SHPRH: variants seen among roughly 807,000 people sequenced by gnomAD.
The protein encoded by SHPRH is SNF2 histone linker PHD RING helicase, also known as E3 ubiquitin-protein ligase SHPRH.
In SHPRH, 106 loss-of-function variants were observed where a neutral mutation model predicts 202.5. The ratio of observed to expected loss-of-function variants is 0.52; its 90% CI spans 0.45 to 0.62. The LOEUF is 0.62. SHPRH is among the 20% of genes least tolerant of loss of function. The pLI, the probability that SHPRH is intolerant of heterozygous loss-of-function variation, is 0.00. For missense variants in SHPRH, 1,710 were observed against 2,020.0 expected (o/e 0.85, Z 2.94); for synonymous variants, 729 against 686.0 (o/e 1.06, Z -0.98).
At chr6:145,960,918 T>A (rs1789023248) in intron 1 of SHPRH, among the ~76,000 whole-genome samples, 1 of 152,114 alleles carries the variant, frequency 6.6e-6, no homozygotes, top group South Asian at 2.1e-4. Context: ...CTATTCCACC[T>A]TAGATCATCA....
At chr6:145,943,895 A>G in intron 8 of SHPRH, 93 bp from the exon 9 acceptor site, 12 of 1,210,080 alleles carry the variant, frequency 9.9e-6, no homozygotes, top group Non-Finnish European at 1.4e-5. Context: ...ATAATTATGT[A>G]GCAGCCAGTC....
intron 2 of SHPRH, among the ~76,000 whole-genome samples, chr6:145,874,734 T>C (rs1297518089): frequency 2.0e-5 from 3 of 151,986 alleles, no homozygotes; most frequent in Non-Finnish European, 1.5e-5. Flanking sequence ...TACAAACAGC[T>C]CATTCCTTAT....
In SHPRH at chr6:145,928,543, T is replaced by C. The variant is rs1027213882; in HGVS notation, c.3113-1266A>G. On this transcript the variant is annotated intron_variant, in intron 14 of 29. Coordinates refer to ENST00000275233, the MANE Select transcript of SHPRH (RefSeq NM_001042683.3). ...TCATAGTTACAATGAGATATATATA[T>C]ATATGCAAACCTTTGTAAATTTTGA... Among the ~76,000 whole-genome samples the C allele has an allele frequency of 2.2e-4, 33 of 151,936 alleles. 1 individual carries two copies. The highest frequency in any genetic ancestry group is 1.6e-3 in the Admixed American group (25 of 15,216).
intron 2 of SHPRH, among the ~76,000 whole-genome samples, chr6:145,954,197 T>A (rs1049411216): frequency 2.0e-5 from 3 of 151,870 alleles, no homozygotes; most frequent in African/African-American, 7.3e-5. Flanking sequence ...GTCAGTGTGG[T>A]ATATGGAGAA....
chr6:145,894,122 C>A, intron 27 of SHPRH, 28 bp downstream of exon 27: 1 of 1,561,098 alleles, frequency 6.4e-7, no homozygotes. Context: ...GTATCCACTA[C>A]AAAAACCGGA....
intron 2 of SHPRH, among the ~76,000 whole-genome samples, chr6:145,869,618 C>G (rs1583254399): frequency 2.6e-5 from 4 of 152,182 alleles, no homozygotes; most frequent in Admixed American, 6.5e-5. Flanking sequence ...GCTGTTTTAT[C>G]AAAGATTAGT....
rs770532637 is a variant in SHPRH at position 145,927,271 on chromosome 6, T to C, written c.3119A>G (p.Tyr1040Cys). ...TCTGTACAATTCTGCTGCCAAGGCA[T>C]ACTCACCTAAAGAATTAAAATGTAT... Reference protein sequence around the residue: ...LAGIHIIKGEYALAAELYREV... With the variant: ...LAGIHIIKGECALAAELYREV... Residue 1040 changes from tyrosine (Y) to cysteine (C), a missense_variant, in exon 15 of 30, where the codon TAT (tyrosine) becomes TGT (cysteine). Around this residue, in one of 8 missense-constraint regions of SHPRH, gnomAD observed 288 missense variants for 317.8 expected, o/e 0.91. Coordinates refer to ENST00000275233, the MANE Select transcript of SHPRH (RefSeq NM_001042683.3). 1.6e-5 allele frequency: 25 copies of C among 1,611,218 alleles called. No homozygotes were observed. Among genetic ancestry groups the C allele is most frequent in the Non-Finnish European group, 1.8e-5 (21 of 1,178,510 alleles).
Position 145,947,606 on chromosome 6 carries a change from G to A in SHPRH, c.1099C>T (p.Leu367Phe). The A allele has an allele frequency of 6.2e-7, 1 of 1,612,598 alleles. No homozygotes were observed. Among genetic ancestry groups the A allele is most frequent in the Non-Finnish European group, 8.5e-7 (1 of 1,179,172 alleles). Reference sequence around the variant, plus strand: ...ATCTCATCTGCTAAAATTCCACCAAGCAACTGCGGCCCAGAATTTGGGTAC... The same window carrying A: ...ATCTCATCTGCTAAAATTCCACCAAACAACTGCGGCCCAGAATTTGGGTAC... ...REYPNSGPQL[L>F]GGILADEMGL... Residue 367 changes from leucine to phenylalanine, a missense_variant, in exon 6 of 30, where the codon CTT becomes TTT. Leu to Phe is a conservative substitution (Grantham distance 22). Transcript: ENST00000275233.
At chr6:145,919,186 T>C (rs1056195548) in intron 22 of SHPRH, 162 bp downstream of exon 22, 16 of 961,842 alleles carry the variant, frequency 1.7e-5, no homozygotes, top group Non-Finnish European at 2.4e-5. Context: ...CTTTGACCAT[T>C]TTTGGTCTAT....
At chr6:145,867,641 G>T (rs866537432) in intron 2 of SHPRH, among the ~76,000 whole-genome samples, 749 of 101,718 alleles carry the variant, frequency 7.4e-3, no homozygotes, top group African/African-American at 0.015. Context: ...TAGAGAGAGA[G>T]AGAGAGAGAG....
Position 145,922,745 on chromosome 6 carries a change from T to G in SHPRH, c.3637A>C (p.Asn1213His). Residue 1213 changes from asparagine (N) to histidine (H), a missense_variant, in exon 19 of 30, where the codon AAC becomes CAC. Physicochemically the swap from Asn to His is moderately conservative, Grantham distance 68. Coordinates refer to ENST00000275233, the MANE Select transcript of SHPRH (RefSeq NM_001042683.3). Reference protein sequence around the residue: ...CQKLVREAVKNLEGPPSRNVI... With the variant: ...CQKLVREAVKHLEGPPSRNVI... ...TTACGAGATGGAGGTCCCTCCAGGT[T>G]TTTTACAGCCTCTCTTACTAGCTTC... is the stretch of plus-strand genomic sequence containing the variant. 2 of 1,612,184 alleles carry G rather than the reference T, an allele frequency of 1.2e-6. No individual in the cohort carries two copies. The highest frequency in any genetic ancestry group is 1.7e-6 in the Non-Finnish European group (2 of 1,178,844).
rs1442368425 is a variant in SHPRH at position 145,954,926 on chromosome 6, A to C, written c.397T>G (p.Phe133Val). Residue 133 changes from phenylalanine (F) to valine (V), a missense_variant, in exon 2 of 30, where the codon TTT becomes GTT. Physicochemically the swap from Phe to Val is conservative, Grantham distance 50. Transcript: ENST00000275233. Reference sequence around the variant, plus strand: ...ATCAATGTAATACTCCTTTCGGAAAAATTTTCAATTAAACTCTGTGCAGGA... The same window carrying C: ...ATCAATGTAATACTCCTTTCGGAAACATTTTCAATTAAACTCTGTGCAGGA... ...LLPAQSLIEN[F>V]SERSITLMSS... The C allele has an allele frequency of 6.2e-6, 10 of 1,613,660 alleles. No homozygotes were observed. The highest frequency in any genetic ancestry group is 2.2e-5 in the East Asian group (1 of 44,860).
At chr6:145,890,660 C>T (rs1369929100) in intron 28 of SHPRH, among the ~76,000 whole-genome samples, 1 of 152,146 alleles carries the variant, frequency 6.6e-6, no homozygotes, top group African/African-American at 2.4e-5. Flanking sequence ...AAACTCACTC[C>T]TAGGTAATCT....
rs112232908 is a variant in SHPRH, at chr6:145,959,591, T to C, written c.-33+4140A>G. Among the ~76,000 whole-genome samples, 745 of 152,316 alleles carry C rather than the reference T, an allele frequency of 4.9e-3. 2 individuals are homozygous for C. The highest frequency in any genetic ancestry group is 8.0e-3 in the Non-Finnish European group (541 of 68,030). The stretch of plus-strand genomic sequence containing the variant: ...CCCATCATTAAGTGATGCATGACTA[T>C]AAATAAAATTAAATGTTATAAACTC... On this transcript the variant is annotated intron_variant, in intron 1 of 29. Coordinates refer to ENST00000275233, the MANE Select transcript of SHPRH (RefSeq NM_001042683.3).
chr6:145,925,216 T>C lies in SHPRH; in HGVS notation c.3295-370A>G, dbSNP rs189887966. Among the ~76,000 whole-genome samples, 64 of 151,908 alleles carry C rather than the reference T, an allele frequency of 4.2e-4. 1 individual carries two copies. In the East Asian group the frequency reaches 0.012, roughly 29 times the overall value. On this transcript the variant is annotated intron_variant, in intron 16 of 29. Transcript: ENST00000275233. ...TGGCTAATTTAGTTATTAAAATTCC[T>C]TAGTTACTGCAGTTTAAAAATAATC... is the stretch of plus-strand genomic sequence containing the variant.
intron 25 of SHPRH, chr6:145,904,814 CTTAA>C (rs1321989452): frequency 2.6e-5 from 4 of 151,986 alleles, no homozygotes; most frequent in Non-Finnish European, 2.9e-5. Context: ...ATTCTATAAA[CTTAA>C]TTTTTTTTAA....
chr6:145,942,843 G>T (rs1582786807), intron 9 of SHPRH, among the ~76,000 whole-genome samples: 1 of 152,242 alleles, frequency 6.6e-6, no homozygotes, highest in Non-Finnish European at 1.5e-5. Flanking sequence ...ATTTCTCTCT[G>T]AAGACTATAA....
In SHPRH at chr6:145,924,764, T is replaced by A; in HGVS notation, c.3377A>T (p.Gln1126Leu). 1 of 1,611,828 alleles carries A rather than the reference T, an allele frequency of 6.2e-7. No homozygotes were observed. Among genetic ancestry groups the A allele is most frequent in the Non-Finnish European group, 8.5e-7 (1 of 1,178,428 alleles). The change falls in exon 17 of 30, where the codon CAG becomes CTG. Residue 1126 changes from glutamine to leucine, a missense_variant. Transcript: ENST00000275233. Reference sequence around the variant, plus strand: ...CTTTCTTTGAAGCTCATGGATGGTCTGCTGCACAGGATATAAAGCTTGCTG... The same window carrying A: ...CTTTCTTTGAAGCTCATGGATGGTCAGCTGCACAGGATATAAAGCTTGCTG... ...EAQQALYPVQ[Q>L]TIHELQRKIH...
intron 23 of SHPRH, among the ~76,000 whole-genome samples, chr6:145,915,652 T>C (rs572082989): frequency 6.6e-6 from 1 of 152,198 alleles, no homozygotes; most frequent in Non-Finnish European, 1.5e-5. Flanking sequence ...TACCGAAACA[T>C]CTTTAAAGGT....
Sources: allele counts gnomAD v4.1 joint callset (sites outside exome capture counted in the v4.1 genomes callset), GRCh38; gene constraint gnomAD v4.1.1; regional missense constraint gnomAD v4.1.1; transcripts MANE v1.5; gene names NCBI Gene and HGNC (gene_info 2026-07-23, HGNC 2026-07-21).